The following EPHA6 variants were observed in gnomAD, a reference collection of about 807,000 sequenced individuals.
EPHA6 encodes the protein ephrin type-A receptor 6.
Under a neutral mutation model 112.0 loss-of-function variants are expected in EPHA6, and 50 were observed. That is an observed-to-expected ratio of 0.45 (90% confidence interval 0.36 to 0.56). EPHA6 has a LOEUF of 0.56. Ranked by LOEUF, EPHA6 falls within the 20% of genes least tolerant of loss-of-function variation. The probability of loss-of-function intolerance (pLI) is 0.00; values close to 1 mark genes in which losing one functional copy is unlikely to be tolerated. For synonymous variants in EPHA6, 529 were observed against 490.7 expected (o/e 1.08, Z -1.03); for missense variants, 1,280 against 1,417.4 (o/e 0.90, Z 1.56).
chr3:96,874,252 C>G (rs2036814745), intron 2 of EPHA6, among the ~76,000 whole-genome samples: 1 of 152,030 alleles, frequency 6.6e-6, no homozygotes, highest in Non-Finnish European at 1.5e-5. Flanking sequence ...TCCTTTGAAG[C>G]TTAATAATCA....
chr3:97,562,530 C>A (rs1468275249), intron 11 of EPHA6, among the ~76,000 whole-genome samples: 2 of 152,128 alleles, frequency 1.3e-5, no homozygotes, highest in Non-Finnish European at 2.9e-5. Flanking sequence ...CTTTAATGGA[C>A]AAGGAGTTAC....
intron 3 of EPHA6, among the ~76,000 whole-genome samples, chr3:97,020,681 C>T (rs528426471): frequency 6.6e-6 from 1 of 152,256 alleles, no homozygotes; most frequent in East Asian, 1.9e-4. Context: ...TCCCACTGGT[C>T]CAGTACAGTA....
chr3:97,213,997 C>CTGTGTGTGTGTGTGTGTGTGTG (rs10557927), intron 3 of EPHA6, among the ~76,000 whole-genome samples: 29 of 128,936 alleles, frequency 2.2e-4, no homozygotes, highest in African/African-American at 9.2e-4. Context: ...CTCATGTGTT[C>CTGTGTGTGTGTGTGTGTGTGTG]TGTGTGTGTG....
intron 5 of EPHA6, among the ~76,000 whole-genome samples, chr3:97,246,302 TAAATA>T (rs2078985393): frequency 6.6e-6 from 1 of 151,948 alleles, no homozygotes; most frequent in African/African-American, 2.4e-5. Context: ...TATGTCACTT[TAAATA>T]AAATAAATAT....
intron 5 of EPHA6, among the ~76,000 whole-genome samples, chr3:97,328,454 T>C (rs1336453857): frequency 1.3e-5 from 2 of 152,076 alleles, no homozygotes; most frequent in African/African-American, 2.4e-5. Flanking sequence ...TTAATGATAT[T>C]GGACATAATT....
chr3:97,446,643 A>C (rs1031189836), intron 6 of EPHA6, among the ~76,000 whole-genome samples: 1 of 152,160 alleles, frequency 6.6e-6, no homozygotes, highest in Non-Finnish European at 1.5e-5. Flanking sequence ...AATGCACCAT[A>C]ACTCTTACGT....
intron 11 of EPHA6, among the ~76,000 whole-genome samples, chr3:97,586,262 A>C (rs2093486608): frequency 6.6e-6 from 1 of 152,256 alleles, no homozygotes; most frequent in African/African-American, 2.4e-5. Flanking sequence ...TTTCTTTACC[A>C]AAGTAGGCAG....
At chr3:97,036,206 G>C (rs1458610988) in intron 3 of EPHA6, among the ~76,000 whole-genome samples, 1 of 151,844 alleles carries the variant, frequency 6.6e-6, no homozygotes, top group African/African-American at 2.4e-5. Context: ...TACCATAAAG[G>C]GTGATTTGAA....
chr3:97,167,653 A>G (rs1325700938), intron 3 of EPHA6, among the ~76,000 whole-genome samples: 2 of 152,102 alleles, frequency 1.3e-5, no homozygotes, highest in East Asian at 3.9e-4. Flanking sequence ...GTCATAAAAG[A>G]TTATGTAGGT....
intron 1 of EPHA6, among the ~76,000 whole-genome samples, chr3:96,864,883 A>G (rs1324012353): frequency 1.3e-5 from 2 of 152,094 alleles, no homozygotes; most frequent in African/African-American, 4.8e-5. Context: ...TATATTAATG[A>G]ATTAAGATAT....
intron 3 of EPHA6, among the ~76,000 whole-genome samples, chr3:96,991,282 G>A (rs1242243146): frequency 1.3e-5 from 2 of 152,102 alleles, no homozygotes; most frequent in Non-Finnish European, 2.9e-5. Flanking sequence ...AAAATGTATT[G>A]GCTTAAAACC....
intron 11 of EPHA6, among the ~76,000 whole-genome samples, chr3:97,554,572 G>A (rs2093075935): frequency 6.6e-6 from 1 of 151,968 alleles, no homozygotes; most frequent in African/African-American, 2.4e-5. Context: ...ATAATCAGGG[G>A]GTGGCCAGGT....
At chr3:97,242,336 A>G (rs1302541122) in intron 4 of EPHA6, among the ~76,000 whole-genome samples, 2 of 151,786 alleles carry the variant, frequency 1.3e-5, no homozygotes, top group African/African-American at 4.8e-5. Flanking sequence ...TTATTTCAAG[A>G]TCTTTCTGAA....
chr3:97,160,502 A>G (rs2076389912), intron 3 of EPHA6, among the ~76,000 whole-genome samples: 1 of 150,878 alleles, frequency 6.6e-6, no homozygotes, highest in Non-Finnish European at 1.5e-5. Flanking sequence ...CTGGTTTCGA[A>G]CTCCTGACCT....
chr3:97,265,971 G>A (rs2079668375), intron 5 of EPHA6, among the ~76,000 whole-genome samples: 1 of 152,170 alleles, frequency 6.6e-6, no homozygotes, highest in Non-Finnish European at 1.5e-5. Context: ...CCCTGCCCTA[G>A]ATAACACCTT....
intron 14 of EPHA6, among the ~76,000 whole-genome samples, chr3:97,713,545 C>CA: frequency 6.6e-6 from 1 of 152,126 alleles, no homozygotes; most frequent in East Asian, 1.9e-4. Flanking sequence ...AATACTGTGC[C>CA]AAAAAAAGGT....
chr3:97,073,046 C>G (rs1405759242), intron 3 of EPHA6, among the ~76,000 whole-genome samples: 3 of 152,132 alleles, frequency 2.0e-5, no homozygotes, highest in Non-Finnish European at 4.4e-5. Context: ...CAAAGTGCCC[C>G]CTCCCGCTTC....
intron 3 of EPHA6, among the ~76,000 whole-genome samples, chr3:96,995,455 A>G (rs2107880263): frequency 6.6e-6 from 1 of 152,264 alleles, no homozygotes; most frequent in Non-Finnish European, 1.5e-5. Flanking sequence ...TCATGAAGCA[A>G]TTCCAGACTT....
intron 2 of EPHA6, among the ~76,000 whole-genome samples, chr3:96,898,829 A>G (rs1430908196): frequency 6.6e-6 from 1 of 151,836 alleles, no homozygotes; most frequent in Non-Finnish European, 1.5e-5. Flanking sequence ...GGAGATCGAG[A>G]CCATCCTGGC....
Sources: gnomAD v4.1 joint callset for allele counts (sites outside exome capture counted in the v4.1 genomes callset) on GRCh38, gnomAD v4.1.1 for gene constraint, MANE v1.5 for transcripts, NCBI Gene and HGNC (gene_info 2026-07-23, HGNC 2026-07-21) for gene names.